SORCS3: variants seen among roughly 807,000 people sequenced by gnomAD.
SORCS3 encodes the protein sortilin related VPS10 domain containing receptor 3, also known as VPS10 domain-containing receptor SorCS3.
SORCS3 carries 57 observed loss-of-function variants against 146.3 expected under a neutral mutation model. The ratio of observed to expected loss-of-function variants is 0.39; its 90% CI spans 0.31 to 0.49. The LOEUF is 0.49. Ranked by LOEUF, SORCS3 falls within the 20% of genes least tolerant of loss-of-function variation. SORCS3 has a pLI of 0.92. For missense variants in SORCS3, 1,341 were observed against 1,575.5 expected, an observed-to-expected ratio of 0.85 and a Z score of 2.52; for synonymous variants, 653 against 618.5, an observed-to-expected ratio of 1.06 and a Z score of -0.83.
intron 1 of SORCS3, among the ~76,000 whole-genome samples, chr10:104,661,957 G>C (rs148012672): frequency 6.6e-6 from 1 of 152,268 alleles, no homozygotes; most frequent in Non-Finnish European, 1.5e-5. Context: ...GCTGTGTGCC[G>C]GGTGCCAGTT....
At chr10:105,088,599 G>A (rs1419284912) in intron 5 of SORCS3, among the ~76,000 whole-genome samples, 1 of 152,104 alleles carries the variant, frequency 6.6e-6, no homozygotes, top group Non-Finnish European at 1.5e-5. Context: ...TTCTTAAACA[G>A]AGTACCCTGG....
In SORCS3 at chr10:105,157,122, T is replaced by C. The variant is rs776982041; in HGVS notation, c.1483-16T>C. The C allele has an allele frequency of 1.2e-5, 19 of 1,613,496 alleles. No homozygotes were observed. Among genetic ancestry groups the C allele is most frequent in the Non-Finnish European group, 1.5e-5 (18 of 1,179,602 alleles). ...TTGGCCCAGCATGGTTCTCCATCTC[T>C]CACCTTTTTTCCTAGGTAGCAGGTA... On this transcript the variant is annotated splice_polypyrimidine_tract_variant and intron_variant, in intron 9 of 26. Coordinates refer to ENST00000369701, the MANE Select transcript of SORCS3 (RefSeq NM_014978.3).
chr10:104,713,149 GTA>G (rs1238621151), intron 1 of SORCS3, among the ~76,000 whole-genome samples: 4 of 140,016 alleles, frequency 2.9e-5, no homozygotes, highest in Non-Finnish European at 4.7e-5. Context: ...GTGTGTGTGT[GTA>G]GTGTGGGTGC....
intron 2 of SORCS3, among the ~76,000 whole-genome samples, chr10:104,905,664 G>A (rs758388086): frequency 2.6e-5 from 4 of 152,138 alleles, no homozygotes; most frequent in South Asian, 2.1e-4. Context: ...TGCACACAAA[G>A]TTAAATAATG....
intron 9 of SORCS3, among the ~76,000 whole-genome samples, chr10:105,150,227 A>G (rs1813857314): frequency 6.6e-6 from 1 of 152,216 alleles, no homozygotes; most frequent in South Asian, 2.1e-4. Context: ...ACAAATGGAT[A>G]TCAAACACAG....
At chr10:104,806,943 C>G (rs1268492579) in intron 1 of SORCS3, among the ~76,000 whole-genome samples, 1 of 152,080 alleles carries the variant, frequency 6.6e-6, no homozygotes, top group Non-Finnish European at 1.5e-5. Flanking sequence ...TGAGATCTCC[C>G]TTTCCATTTT....
intron 14 of SORCS3, among the ~76,000 whole-genome samples, chr10:105,185,345 C>T (rs2119578858): frequency 6.6e-6 from 1 of 152,252 alleles, no homozygotes; most frequent in African/African-American, 2.4e-5. Context: ...AAATCAGAAA[C>T]ATCTGGCAGC....
intron 18 of SORCS3, 119 bp downstream of exon 18, chr10:105,214,732 A>G: frequency 1.0e-6 from 1 of 957,316 alleles, no homozygotes; most frequent in Non-Finnish European, 1.5e-6. Context: ...GAGAAGCTGA[A>G]ATTTCTGGAA....
chr10:105,264,584 T>G lies in SORCS3; in HGVS notation c.*1210T>G, dbSNP rs1033744705. ...TTCATGCAAAACTCTCCAGGCCAAG[T>G]AGGGGTCTAGCCTTTAATGATATTA... On this transcript the variant is annotated 3_prime_UTR_variant, in exon 27 of 27. Transcript: ENST00000369701. 6.6e-6 allele frequency: 1 copy of G among 152,564 alleles called. No individual in the cohort carries two copies. Among genetic ancestry groups the G allele is most frequent in the Admixed American group, 6.5e-5 (1 of 15,270 alleles). 9.5% of individuals were successfully genotyped at this position (152,564 alleles called of 1,614,324 possible). A position where few individuals can be genotyped will look rare whatever the true frequency, so the allele number is the denominator to read the frequency against.
chr10:104,692,480 C>T (rs2016125604), intron 1 of SORCS3, among the ~76,000 whole-genome samples: 1 of 152,182 alleles, frequency 6.6e-6, no homozygotes, highest in Non-Finnish European at 1.5e-5. Flanking sequence ...ACTGCAATTA[C>T]TCTTGCACCA....
At chr10:104,799,445 C>T (rs2133507688) in intron 1 of SORCS3, among the ~76,000 whole-genome samples, 1 of 151,924 alleles carries the variant, frequency 6.6e-6, no homozygotes, top group South Asian at 2.1e-4. Flanking sequence ...ATCACAAGAT[C>T]AGAAAAGCAA....
At chr10:105,099,767 G>A (rs1244284163) in intron 6 of SORCS3, among the ~76,000 whole-genome samples, 3 of 152,160 alleles carry the variant, frequency 2.0e-5, no homozygotes, top group Non-Finnish European at 2.9e-5. Context: ...CTCTTAGGAA[G>A]AAAAGAAGGC....
intron 14 of SORCS3, among the ~76,000 whole-genome samples, chr10:105,199,121 T>C (rs2056560059): frequency 6.6e-6 from 1 of 152,146 alleles, no homozygotes; most frequent in Non-Finnish European, 1.5e-5. Context: ...AAGACCTCAG[T>C]TGTTTTAAGT....
rs142639663 is a variant in SORCS3 at position 104,877,505 on chromosome 10, C to T, written c.695+34646C>T. On this transcript the variant is annotated intron_variant, in intron 2 of 26. Coordinates refer to ENST00000369701, the MANE Select transcript of SORCS3 (RefSeq NM_014978.3). ...TTTTCAATAAATATAATCCCTACCC[C>T]AGTAATGTATCTTGCTGTCTGCTAT... Among the ~76,000 whole-genome samples the T allele has an allele frequency of 3.3e-3, 508 of 152,298 alleles. 2 individuals carry two copies. The highest frequency in any genetic ancestry group is 0.018 in the South Asian group (88 of 4,818).
rs115998601 is a variant in SORCS3, at chr10:104,771,599, A to G, written c.628-71193A>G. Among the ~76,000 whole-genome samples the G allele has an allele frequency of 4.8e-3, 724 of 152,232 alleles. 7 individuals carry two copies. The highest frequency in any genetic ancestry group is 0.017 in the African/African-American group (708 of 41,528). ...GCAGCAGGAGGACCTTGAGCATGAG[A>G]TGATGTTTGCACAGGCATGGCCTCT... On this transcript the variant is annotated intron_variant, in intron 1 of 26. Transcript: ENST00000369701.
intron 2 of SORCS3, among the ~76,000 whole-genome samples, chr10:104,873,446 A>G (rs1424220137): frequency 2.6e-5 from 4 of 152,172 alleles, no homozygotes; most frequent in Non-Finnish European, 4.4e-5. Flanking sequence ...CAACAGCCCC[A>G]TTTAGCTTTG....
intron 3 of SORCS3, among the ~76,000 whole-genome samples, chr10:104,919,725 C>T (rs1243256893): frequency 6.6e-6 from 1 of 151,984 alleles, no homozygotes; most frequent in African/African-American, 2.4e-5. Context: ...CATAAGGGTC[C>T]TACATGATCT....
At chr10:104,894,551 G>A (rs1025489784) in intron 2 of SORCS3, among the ~76,000 whole-genome samples, 1 of 152,158 alleles carries the variant, frequency 6.6e-6, no homozygotes, top group Non-Finnish European at 1.5e-5. Context: ...TATAAGCTAG[G>A]GGAGTCTTAG....
At position 104,856,579 on chromosome 10, in the gene SORCS3, T is replaced by C. The variant is rs1355696279; in HGVS notation, c.695+13720T>C. Reference sequence around the variant, plus strand: ...ATGTATGTATTTGTGTATTCACATGTATATATAAATATATACATATAAATG... The same window carrying C: ...ATGTATGTATTTGTGTATTCACATGCATATATAAATATATACATATAAATG... On this transcript the variant is annotated intron_variant, in intron 2 of 26. Coordinates refer to ENST00000369701, the MANE Select transcript of SORCS3 (RefSeq NM_014978.3). 8.1e-5 allele frequency among the ~76,000 whole-genome samples: 8 copies of C among 99,222 alleles called. No individual in the cohort carries two copies. In the East Asian group the frequency reaches 2.8e-3, roughly 34 times the overall value. The allele number at this position is 99,222 out of a possible 152,430, so 65.1% of individuals were successfully genotyped here. A position where few individuals can be genotyped will look rare whatever the true frequency, so the allele number is the denominator to read the frequency against.
Sources: allele counts gnomAD v4.1 joint callset (sites outside exome capture counted in the v4.1 genomes callset), GRCh38; gene constraint gnomAD v4.1.1; transcripts MANE v1.5; gene names NCBI Gene and HGNC (gene_info 2026-07-23, HGNC 2026-07-21).